Variants in CHST8 observed in about 807,000 individuals in gnomAD.
CHST8 encodes carbohydrate sulfotransferase 8, also known as GALNAC-4-ST1.
CHST8 carries 10 observed loss-of-function variants against 15.0 expected under a neutral mutation model. The ratio of observed to expected loss-of-function variants is 0.67; its 90% CI spans 0.41 to 1.13. CHST8 has a LOEUF of 1.13. CHST8 is among the 50% of genes most tolerant of loss of function. CHST8 has a pLI of 0.00. For missense variants in CHST8, 634 were observed against 608.2 expected, an observed-to-expected ratio of 1.04 and a Z score of -0.45; for synonymous variants, 259 against 256.6, an observed-to-expected ratio of 1.01 and a Z score of -0.09.
At chr19:33,746,209 CG>C (rs1319629487) in intron 3 of CHST8, among the ~76,000 whole-genome samples, 2 of 152,134 alleles carry the variant, frequency 1.3e-5, no homozygotes, top group Admixed American at 6.5e-5. Flanking sequence ...ATGTTCACAT[CG>C]TTTTTTATCA....
At chr19:33,757,596 GAA>G (rs1974626569) in intron 3 of CHST8, among the ~76,000 whole-genome samples, 1 of 142,714 alleles carries the variant, frequency 7.0e-6, no homozygotes, top group South Asian at 2.3e-4. Context: ...AAGAAAGAAA[GAA>G]AGAAAGAGCC....
intron 1 of CHST8, among the ~76,000 whole-genome samples, chr19:33,648,565 A>G (rs1197310498): frequency 6.6e-6 from 1 of 152,192 alleles, no homozygotes; most frequent in Non-Finnish European, 1.5e-5. Context: ...CCATCTCTAA[A>G]AAATAAAAAA....
At chr19:33,671,251 G>T (rs1053151626) in intron 2 of CHST8, among the ~76,000 whole-genome samples, 1 of 152,160 alleles carries the variant, frequency 6.6e-6, no homozygotes, top group Non-Finnish European at 1.5e-5. Context: ...TAAAAACTAT[G>T]TAATTTTCAA....
chr19:33,709,474 G>A (rs558334545), intron 3 of CHST8, among the ~76,000 whole-genome samples: 1 of 152,306 alleles, frequency 6.6e-6, no homozygotes, highest in East Asian at 1.9e-4. Context: ...CATCTATTGA[G>A]ATGTTTATGT....
At chr19:33,678,400 T>C (rs551385570) in intron 2 of CHST8, among the ~76,000 whole-genome samples, 3 of 152,182 alleles carry the variant, frequency 2.0e-5, no homozygotes, top group Admixed American at 6.5e-5. Flanking sequence ...AGCCTTCACA[T>C]TGGGAGAGAC....
intron 3 of CHST8, among the ~76,000 whole-genome samples, chr19:33,737,397 G>A (rs1160398529): frequency 6.6e-6 from 1 of 152,214 alleles, no homozygotes. Context: ...CAGGGCCACT[G>A]AGACACGCAT....
At chr19:33,651,952 T>A (rs1479106612) in intron 1 of CHST8, among the ~76,000 whole-genome samples, 3 of 151,982 alleles carry the variant, frequency 2.0e-5, no homozygotes, top group Non-Finnish European at 4.4e-5. Flanking sequence ...ATCTTCTATA[T>A]TCTTAATTTT....
chr19:33,736,929 A>G (rs1433352214), intron 3 of CHST8, among the ~76,000 whole-genome samples: 1 of 152,076 alleles, frequency 6.6e-6, no homozygotes. Context: ...ACCCGCCAAA[A>G]CCAAAGGTGG....
intron 1 of CHST8, among the ~76,000 whole-genome samples, chr19:33,632,182 C>A (rs1210687227): frequency 4.6e-5 from 7 of 151,002 alleles, no homozygotes; most frequent in African/African-American, 1.7e-4. Flanking sequence ...CTCTGTCACC[C>A]AGGCTGGAGT....
intron 3 of CHST8, among the ~76,000 whole-genome samples, chr19:33,697,519 C>G (rs1487536634): frequency 2.0e-5 from 3 of 152,204 alleles, no homozygotes; most frequent in African/African-American, 7.2e-5. Context: ...GTCTGAGCCA[C>G]TGTGCCCGGC....
At chr19:33,726,174 T>C (rs1599590553) in intron 3 of CHST8, among the ~76,000 whole-genome samples, 1 of 151,710 alleles carries the variant, frequency 6.6e-6, no homozygotes, top group Non-Finnish European at 1.5e-5. Flanking sequence ...GAGTGGAAGG[T>C]GTGGTGGTAG....
At chr19:33,759,780 C>G (rs1239602245) in intron 3 of CHST8, among the ~76,000 whole-genome samples, 1 of 152,362 alleles carries the variant, frequency 6.6e-6, no homozygotes, top group Non-Finnish European at 1.5e-5. Flanking sequence ...GCGTCTCCCT[C>G]TGCAGTCAGC....
chr19:33,639,248 A>G (rs1406376702), intron 1 of CHST8, among the ~76,000 whole-genome samples: 1 of 152,130 alleles, frequency 6.6e-6, no homozygotes, highest in African/African-American at 2.4e-5. Context: ...AAACCCGTGT[A>G]CGGGTAAATT....
chr19:33,772,354 G>A lies in CHST8; in HGVS notation c.566G>A (p.Arg189His), dbSNP rs1402822634. The change falls in exon 5 of 5, where the codon CGC (arginine) becomes CAC (histidine). Residue 189 changes from arginine (R) to histidine (H), a missense_variant. Physicochemically the swap from Arg to His is conservative, Grantham distance 29 (BLOSUM62 0). Transcript: ENST00000650847. ...GTGTCCCGTATCTTCGTGGAGGACCGCCACCGCGTGCTCTACTGCGAGGTG... is the reference window on the plus strand; with the variant it reads ...GTGTCCCGTATCTTCGTGGAGGACCACCACCGCGTGCTCTACTGCGAGGTG... ...RHVSRIFVEDRHRVLYCEVPK... is the reference protein window; with the variant it reads ...RHVSRIFVEDHHRVLYCEVPK... 5 of 1,606,980 alleles carry A rather than the reference G, an allele frequency of 3.1e-6. No homozygotes were observed. The highest frequency in any genetic ancestry group is 2.2e-5 in the East Asian group (1 of 44,826).
rs553676139 is a variant in CHST8 at position 33,637,068 on chromosome 19, T to A, written c.-164+14772T>A. Reference sequence around the variant, plus strand: ...TAGACCATAGAGGGTAACTTCCTGATGTTGCCATGGCATTTGTAAACTGTC... The same window carrying A: ...TAGACCATAGAGGGTAACTTCCTGAAGTTGCCATGGCATTTGTAAACTGTC... On this transcript the variant is annotated intron_variant, in intron 1 of 4. Coordinates refer to ENST00000650847, the MANE Select transcript of CHST8 (RefSeq NM_001127895.2). 3.3e-5 allele frequency among the ~76,000 whole-genome samples: 5 copies of A among 152,344 alleles called. No homozygotes were observed. The South Asian group carries it at 6.2e-4, about 19-fold the overall frequency.
chr19:33,647,499 G>A (rs1315125098), intron 1 of CHST8, among the ~76,000 whole-genome samples: 1 of 152,184 alleles, frequency 6.6e-6, no homozygotes, highest in Admixed American at 6.5e-5. Flanking sequence ...AGAGACACTG[G>A]AGATTGTGAA....
chr19:33,750,757 C>T (rs1023105829), intron 3 of CHST8, among the ~76,000 whole-genome samples: 1 of 152,186 alleles, frequency 6.6e-6, no homozygotes, highest in Admixed American at 6.5e-5. Flanking sequence ...CACCAGCCGC[C>T]CACCCCCAAC....
intron 3 of CHST8, among the ~76,000 whole-genome samples, chr19:33,694,740 T>C (rs1257124002): frequency 6.6e-6 from 1 of 152,066 alleles, no homozygotes; most frequent in Non-Finnish European, 1.5e-5. Context: ...CCACCACACC[T>C]AGCTAATTTT....
rs150412988 is a variant in CHST8, at chr19:33,707,946, T to A, written c.130+18555T>A. 2.3e-4 allele frequency among the ~76,000 whole-genome samples: 35 copies of A among 152,332 alleles called. 1 individual carries two copies. The South Asian group carries it at 5.0e-3, about 22-fold the overall frequency. ...TATTATCTGTCTTTTTAATTATAGCTATTCTAGTGGGTGTGAAGTGGTGTC... is the reference window on the plus strand; with the variant it reads ...TATTATCTGTCTTTTTAATTATAGCAATTCTAGTGGGTGTGAAGTGGTGTC... On this transcript the variant is annotated intron_variant, in intron 3 of 4. Coordinates refer to ENST00000650847, the MANE Select transcript of CHST8 (RefSeq NM_001127895.2).
Sources: allele counts gnomAD v4.1 joint callset (sites outside exome capture counted in the v4.1 genomes callset), GRCh38; gene constraint gnomAD v4.1.1; transcripts MANE v1.5; gene names NCBI Gene and HGNC (gene_info 2026-07-23, HGNC 2026-07-21).